RTTN: variants seen among roughly 807,000 people sequenced by gnomAD.
RTTN encodes rotatin.
RTTN carries 182 observed loss-of-function variants against 269.2 expected under a neutral mutation model. That is an observed-to-expected ratio of 0.68 (90% CI 0.60 to 0.76). The LOEUF is 0.76. RTTN is among the 30% of genes least tolerant of loss of function. The pLI is 0.00. For synonymous variants in RTTN, 1,006 were observed against 963.5 expected, an observed-to-expected ratio of 1.04 and a Z score of -0.82; for missense variants, 2,545 against 2,608.6, an observed-to-expected ratio of 0.98 and a Z score of 0.53.
At chr18:70,025,368 C>T (rs1171186531) in intron 43 of RTTN, among the ~76,000 whole-genome samples, 1 of 152,094 alleles carries the variant, frequency 6.6e-6, no homozygotes, top group Non-Finnish European at 1.5e-5. Flanking sequence ...TCTGAAGTAA[C>T]TCAGAGTCTT....
chr18:70,179,771 C>CA (rs1324737769), intron 10 of RTTN, among the ~76,000 whole-genome samples: 2 of 152,172 alleles, frequency 1.3e-5, no homozygotes, highest in Non-Finnish European at 2.9e-5. Flanking sequence ...TTCTACAAGG[C>CA]ACCTGGAGTA....
At chr18:70,095,721 TTAATA>T (rs1183888722) in intron 28 of RTTN, among the ~76,000 whole-genome samples, 4 of 152,118 alleles carry the variant, frequency 2.6e-5, no homozygotes, top group African/African-American at 9.7e-5. Context: ...CTGGCTGCCC[TTAATA>T]TATTTTCCTT....
At chr18:70,087,900 G>A in intron 31 of RTTN, 89 bp downstream of exon 31, 1 of 1,349,716 alleles carries the variant, frequency 7.4e-7, no homozygotes, top group Non-Finnish European at 1.0e-6. Flanking sequence ...TCAGTGGTCA[G>A]TCCACCATGT....
intron 32 of RTTN, among the ~76,000 whole-genome samples, chr18:70,076,808 A>C (rs1200567141): frequency 3.9e-5 from 6 of 151,986 alleles, no homozygotes; most frequent in Admixed American, 1.3e-4. Flanking sequence ...GAATGGGGTT[A>C]TGTGGCTCCT....
intron 48 of RTTN, 130 bp from the exon 49 acceptor site, chr18:70,004,366 T>C: frequency 2.0e-6 from 1 of 510,046 alleles, no homozygotes; most frequent in Non-Finnish European, 3.4e-6. Flanking sequence ...GTTCTTGATG[T>C]AATAGCATTC....
rs750012085 is a variant in RTTN, at chr18:70,204,081, G to C, written c.397+5C>G. ...ATTTGTATTTAACAGATTCCAAAGAGTTACCAGTTTGATTGGTTTGGTATG... is the reference window on the plus strand; with the variant it reads ...ATTTGTATTTAACAGATTCCAAAGACTTACCAGTTTGATTGGTTTGGTATG... On this transcript the variant is annotated splice_donor_5th_base_variant and intron_variant, in intron 3 of 48. Coordinates refer to ENST00000640769, the MANE Select transcript of RTTN (RefSeq NM_173630.4). The C allele has an allele frequency of 1.1e-5, 17 of 1,586,244 alleles. No individual in the cohort carries two copies. Among genetic ancestry groups the C allele is most frequent in the Non-Finnish European group, 1.5e-5 (17 of 1,159,774 alleles).
intron 18 of RTTN, 110 bp downstream of exon 18, chr18:70,145,502 A>C: frequency 1.3e-6 from 1 of 756,564 alleles, no homozygotes; most frequent in Non-Finnish European, 2.0e-6. Context: ...GAATCCCCAT[A>C]CTTCTCTCCC....
chr18:70,125,361 A>G (rs566500200), intron 25 of RTTN, among the ~76,000 whole-genome samples: 2 of 152,144 alleles, frequency 1.3e-5, no homozygotes, highest in Admixed American at 1.3e-4. Context: ...ACTTCCTTAC[A>G]TCTGCTGTTT....
chr18:70,045,072 T>C (rs1312986992), intron 40 of RTTN, among the ~76,000 whole-genome samples: 1 of 152,244 alleles, frequency 6.6e-6, no homozygotes, highest in East Asian at 1.9e-4. Context: ...TCTTAGAAAA[T>C]GCTCAAAGTC....
intron 25 of RTTN, among the ~76,000 whole-genome samples, 169 bp downstream of exon 25, chr18:70,127,333 A>C (rs1434124432): frequency 6.6e-6 from 1 of 152,192 alleles, no homozygotes; most frequent in Non-Finnish European, 1.5e-5. Flanking sequence ...GCAATAACTA[A>C]ATTAAAAATT....
chr18:70,199,397 T>A lies in RTTN; in HGVS notation c.578+17A>T. ...ATAAGTGAACAAAAATACCTGAAAA[T>A]ACATCAAGCACCGTACCTTTCATTA... On this transcript the variant is annotated intron_variant, in intron 5 of 48. Transcript: ENST00000640769. The A allele has an allele frequency of 6.5e-7, 1 of 1,550,316 alleles. No individual in the cohort carries two copies. The highest frequency in any genetic ancestry group is 8.9e-7 in the Non-Finnish European group (1 of 1,123,580).
At chr18:70,115,395 T>C (rs2059578865) in intron 26 of RTTN, among the ~76,000 whole-genome samples, 1 of 151,222 alleles carries the variant, frequency 6.6e-6, no homozygotes, top group Admixed American at 6.6e-5. Flanking sequence ...AAAAAAAAAA[T>C]AGATAAAGGA....
rs1465962355 is a variant in RTTN at position 70,087,996 on chromosome 18, C to T, written c.4295G>A (p.Arg1432His). 5.0e-6 allele frequency: 8 copies of T among 1,611,498 alleles called. No individual in the cohort carries two copies. The highest frequency in any genetic ancestry group is 1.7e-5 in the Admixed American group (1 of 59,376). Residue 1432 changes from arginine (R) to histidine (H), a missense_variant, in exon 31 of 49, where the codon CGC becomes CAC. Arg to His is a conservative substitution (Grantham distance 29). Transcript: ENST00000640769. ...GAGAAAAGACAGACATACCTCCCGG[C>T]GCACCATACTACATTCTGACTGGTC... ...LLDQSECSMV[R>H]REAAFILQNL...
At chr18:70,019,744 C>A (rs2056648329) in intron 45 of RTTN, 1 of 152,150 alleles carries the variant, frequency 6.6e-6, no homozygotes, top group Non-Finnish European at 1.5e-5. Context: ...CTCCAACGTG[C>A]CACTGAAAAC....
rs1166417212 is a variant in RTTN, at chr18:70,128,491, C to T, written c.3010G>A (p.Val1004Ile). ...GHHAVSPYSI[V>I]LPLSADCLAL... The stretch of plus-strand genomic sequence containing the variant: ...AAACAATCAGCAGATAAGGGCAAAA[C>T]TATGGAGTAAGGACTCACAGCATGG... Residue 1004 changes from valine (V) to isoleucine (I), a missense_variant, in exon 24 of 49, where the codon GTT becomes ATT. Val to Ile is a conservative substitution (Grantham distance 29). Coordinates refer to ENST00000640769, the MANE Select transcript of RTTN (RefSeq NM_173630.4). 1 of 1,613,164 alleles carries T rather than the reference C, an allele frequency of 6.2e-7. No individual in the cohort carries two copies. Among genetic ancestry groups the T allele is most frequent in the Non-Finnish European group, 8.5e-7 (1 of 1,179,486 alleles).
At chr18:70,149,883 T>C in intron 16 of RTTN, 88 bp downstream of exon 16, 1 of 920,858 alleles carries the variant, frequency 1.1e-6, no homozygotes, top group East Asian at 2.5e-5. Flanking sequence ...CTCTCACAAC[T>C]TGACAGTTTA....
chr18:70,117,982 A>T (rs2059641743), intron 26 of RTTN, among the ~76,000 whole-genome samples: 1 of 152,066 alleles, frequency 6.6e-6, no homozygotes, highest in African/African-American at 2.4e-5. Context: ...ATACAGCAAA[A>T]GCAGGTCTAA....
At chr18:70,100,790 C>A (rs1346760018) in intron 28 of RTTN, among the ~76,000 whole-genome samples, 1 of 152,252 alleles carries the variant, frequency 6.6e-6, no homozygotes, top group East Asian at 1.9e-4. Flanking sequence ...GCATGAAGGG[C>A]TGTTGAATTT....
intron 40 of RTTN, among the ~76,000 whole-genome samples, chr18:70,034,344 T>G (rs1426011444): frequency 6.6e-6 from 1 of 152,196 alleles, no homozygotes; most frequent in Non-Finnish European, 1.5e-5. Flanking sequence ...ATCAAAAAGC[T>G]AATCCACTAC....
Sources: allele counts gnomAD v4.1 joint callset (sites outside exome capture counted in the v4.1 genomes callset), GRCh38; gene constraint gnomAD v4.1.1; transcripts MANE v1.5; gene names NCBI Gene and HGNC (gene_info 2026-07-23, HGNC 2026-07-21).